Variants in TLN1 observed in about 807,000 individuals in gnomAD.
TLN1 encodes talin 1, also known as talin-1.
In TLN1, 56 loss-of-function variants were observed where a neutral mutation model predicts 292.3. The ratio of observed to expected loss-of-function variants is 0.19; its 90% CI spans 0.15 to 0.24. The LOEUF (loss-of-function observed/expected upper bound fraction) is 0.24, where lower values mean the gene tolerates loss of function less well. Among genes scored for constraint, TLN1 ranks in the 10% least tolerant of loss-of-function variants. TLN1 has a pLI of 1.00. For synonymous variants in TLN1, 1,119 were observed against 1,253.7 expected (o/e 0.89, Z 2.27); for missense variants, 2,433 against 3,248.2 (o/e 0.75, Z 6.10).
In TLN1 at chr9:35,717,086, T is replaced by C. The variant is rs1825798150; in HGVS notation, c.2458+60A>G. ...TGGTTAGGTCCGCAAGGGGATGATG[T>C]CCAGTGGGCTTAGGGAACCCTGGTA... On this transcript the variant is annotated intron_variant, in intron 19 of 56. Transcript: ENST00000314888. This position sits in a 1 kb window ranked among gnomAD's most constrained non-coding sequence, Gnocchi z 4.7. The C allele has an allele frequency of 1.3e-6, 2 of 1,535,048 alleles. No individual in the cohort carries two copies. Among genetic ancestry groups the C allele is most frequent in the Non-Finnish European group, 1.8e-6 (2 of 1,137,724 alleles).
chr9:35,700,525 TGGGGA>T (rs777686131), intron 48 of TLN1, 149 bp from the exon 49 acceptor site: 18 of 854,028 alleles, frequency 2.1e-5, no homozygotes, highest in Non-Finnish European at 2.9e-5. Flanking sequence ...CTGAAGCAAC[TGGGGA>T]GTTTGTTTGT....
At chr9:35,703,422 C>CA (rs926387056) in intron 48 of TLN1, 138 bp downstream of exon 48, 285 of 791,604 alleles carry the variant, frequency 3.6e-4, no homozygotes, top group African/African-American at 4.8e-4. Context: ...AGACCCTTCT[C>CA]AAAAAAAAAG....
In TLN1 at chr9:35,723,964, G is replaced by T; in HGVS notation, c.770C>A (p.Ala257Asp). Residue 257 changes from alanine (A) to aspartate (D), a missense_variant, in exon 7 of 57, where the codon GCT (alanine) becomes GAT (aspartate). Ala to Asp is a moderately radical substitution (Grantham distance 126, BLOSUM62 -2). Transcript: ENST00000314888. ...FGPHNEQKHKAGFLDLKDFLP... is the reference protein window; with the variant it reads ...FGPHNEQKHKDGFLDLKDFLP... ...GTGGGTCACTCACTCAAGGAAGCCA[G>T]CCTTGTGCTTCTGCTCATTGTGGGG... 1 of 1,614,142 alleles carries T rather than the reference G, an allele frequency of 6.2e-7. No individual in the cohort carries two copies. Among genetic ancestry groups the T allele is most frequent in the South Asian group, 1.1e-5 (1 of 91,084 alleles).
Position 35,706,375 on chromosome 9 carries a change from A to T in TLN1, c.5191-9T>A. ...TGCGCCATCTGGGACACCTGAGGCA[A>T]GGGGTTGGACTAGGGGTCAGGTCCC... On this transcript the variant is annotated splice_polypyrimidine_tract_variant and intron_variant, in intron 39 of 56. Transcript: ENST00000314888. The surrounding 1 kb of genome is among the most constrained non-coding windows in gnomAD (Gnocchi z 4.2). The T allele has an allele frequency of 1.2e-6, 2 of 1,610,288 alleles. No homozygotes were observed. Among genetic ancestry groups the T allele is most frequent in the Non-Finnish European group, 1.7e-6 (2 of 1,177,846 alleles).
chr9:35,718,769 T>C (rs1825829367), intron 17 of TLN1, 43 bp downstream of exon 17: 2 of 1,557,968 alleles, frequency 1.3e-6, no homozygotes, highest in Non-Finnish European at 1.8e-6. Flanking sequence ...CAGAAGTTAC[T>C]TCCTAGATTC....
In TLN1 at chr9:35,697,311, G is replaced by A. The variant is rs1433517418; in HGVS notation, c.*480C>T. ...CTCCTACTGCCCTGGGAGAAAACTT[G>A]TATCTCCCTTGAAGCCAGGCAGAGG... is the stretch of plus-strand genomic sequence containing the variant. On this transcript the variant is annotated 3_prime_UTR_variant, in exon 57 of 57. Coordinates refer to ENST00000314888, the MANE Select transcript of TLN1 (RefSeq NM_006289.4). 2 of 155,188 alleles carry A rather than the reference G, an allele frequency of 1.3e-5. No individual in the cohort carries two copies. Among genetic ancestry groups the A allele is most frequent in the Non-Finnish European group, 2.9e-5 (2 of 70,054 alleles). The allele number at this position is 155,188 out of a possible 1,614,324, so 9.6% of individuals were successfully genotyped here.
rs778074771 is a variant in TLN1, at chr9:35,705,779, T to C, written c.5584A>G (p.Lys1862Glu). ...TCCTGAACGGTCACTGCAATGGCCTTGGCTGTCCGCACCATAGTTGTTTGG... is the reference window on the plus strand; with the variant it reads ...TCCTGAACGGTCACTGCAATGGCCTCGGCTGTCCGCACCATAGTTGTTTGG... ...DYQTTMVRTA[K>E]AIAVTVQEMV... Residue 1862 changes from lysine to glutamate, a missense_variant, in exon 42 of 57, where the codon AAG becomes GAG. Around this residue, in one of 7 missense-constraint regions of TLN1, gnomAD observed 1,384 missense variants for 1,699.6 expected, o/e 0.81. Transcript: ENST00000314888. The C allele has an allele frequency of 1.9e-6, 3 of 1,614,124 alleles. No homozygotes were observed. The highest frequency in any genetic ancestry group is 2.5e-6 in the Non-Finnish European group (3 of 1,180,050).
intron 1 of TLN1, among the ~76,000 whole-genome samples, chr9:35,728,142 G>C (rs952063970): frequency 6.6e-6 from 1 of 152,162 alleles, no homozygotes; most frequent in Non-Finnish European, 1.5e-5. Context: ...GGCAATTGGA[G>C]GGGGGGAATG....
chr9:35,711,153 C>A, intron 30 of TLN1, 71 bp from the exon 31 acceptor site: 1 of 1,610,292 alleles, frequency 6.2e-7, no homozygotes, highest in Non-Finnish European at 8.5e-7. Context: ...AAGTATTTAT[C>A]TTTTGCCTAT....
At position 35,714,595 on chromosome 9, in the gene TLN1, A is replaced by G; in HGVS notation, c.2964T>C (p.Ala988=). 6.2e-7 allele frequency: 1 copy of G among 1,611,936 alleles called. No homozygotes were observed. Among genetic ancestry groups the G allele is most frequent in the Non-Finnish European group, 8.5e-7 (1 of 1,180,006 alleles). Residue 988 remains alanine (A), a synonymous_variant, in exon 23 of 57, where the codon GCT becomes GCC. Coordinates refer to ENST00000314888, the MANE Select transcript of TLN1 (RefSeq NM_006289.4). The surrounding 1 kb of genome is among the most constrained non-coding windows in gnomAD (Gnocchi z 4.6). ...DSPSAQLALI[A]ASQSFLQPGG... ...TTGCCTGCAGGAAGCTCTGGCTGGC[A>G]GCAATGAGGGCAAGCTGAGCGCTGG... is the stretch of plus-strand genomic sequence containing the variant.
chr9:35,720,972 G>A (rs1204643656), intron 10 of TLN1, 59 bp from the exon 11 acceptor site: 1 of 1,396,040 alleles, frequency 7.2e-7, no homozygotes, highest in Non-Finnish European at 1.0e-6. Context: ...GATGGAAATG[G>A]CTAGGATGGG....
At chr9:35,723,735 TG>T in intron 7 of TLN1, 1 of 593,020 alleles carries the variant, frequency 1.7e-6, no homozygotes, top group Non-Finnish European at 2.8e-6. Context: ...GCTTCAGAGA[TG>T]GGGGTAGGGG....
Position 35,719,294 on chromosome 9 carries a change from A to G in TLN1, c.1688-12T>C. ...CTCAGCAGGGTCCCCTAAGGGGAAA[A>G]GGAGAAAGAGGAACATGAGAGACAG... is the stretch of plus-strand genomic sequence containing the variant. On this transcript the variant is annotated splice_polypyrimidine_tract_variant and intron_variant, in intron 15 of 56. Coordinates refer to ENST00000314888, the MANE Select transcript of TLN1 (RefSeq NM_006289.4). The surrounding 1 kb of genome is among the most constrained non-coding windows in gnomAD (Gnocchi z 4.6). The G allele has an allele frequency of 6.2e-7, 1 of 1,607,818 alleles. No homozygotes were observed. Among genetic ancestry groups the G allele is most frequent in the Non-Finnish European group, 8.5e-7 (1 of 1,175,742 alleles).
At chr9:35,715,693 G>C (rs1825764884) in intron 20 of TLN1, among the ~76,000 whole-genome samples, 1 of 152,206 alleles carries the variant, frequency 6.6e-6, no homozygotes, top group African/African-American at 2.4e-5. Context: ...GGGGAGACCA[G>C]GAAGGAAAGG....
In TLN1 at chr9:35,707,959, A is replaced by G; in HGVS notation, c.4471-67T>C. The G allele has an allele frequency of 6.4e-7, 1 of 1,571,214 alleles. No individual in the cohort carries two copies. The highest frequency in any genetic ancestry group is 8.7e-7 in the Non-Finnish European group (1 of 1,149,938). ...AGGTGTACATACCCAAGGAGGAGCC[A>G]TTTTAGGGTCAGGGGATGGAGAGCA... On this transcript the variant is annotated intron_variant, in intron 34 of 56. Coordinates refer to ENST00000314888, the MANE Select transcript of TLN1 (RefSeq NM_006289.4). This position sits in a 1 kb window ranked among gnomAD's most constrained non-coding sequence, Gnocchi z 5.6.
chr9:35,698,657 G>A lies in TLN1; in HGVS notation c.7148C>T (p.Ala2383Val), dbSNP rs777783366. The A allele has an allele frequency of 1.2e-6, 2 of 1,614,154 alleles. No homozygotes were observed. The highest frequency in any genetic ancestry group is 1.1e-5 in the South Asian group (1 of 91,080). Residue 2383 changes from alanine to valine, a missense_variant, in exon 54 of 57, where the codon GCA (alanine) becomes GTA (valine). Around this residue, in one of 7 missense-constraint regions of TLN1, gnomAD observed 141 missense variants for 248.5 expected, o/e 0.57. Coordinates refer to ENST00000314888, the MANE Select transcript of TLN1 (RefSeq NM_006289.4). This position sits in a 1 kb window ranked among gnomAD's most constrained non-coding sequence, Gnocchi z 5.3. ...QGKVGAIPAN[A>V]LDDGQWSQGL... ...CTGGGACCACTGCCCATCGTCCAGT[G>A]CATTGGCTGGAATGGCACCCACCTG...
chr9:35,716,574 A>G lies in TLN1; in HGVS notation c.2459-18T>C, dbSNP rs746516245. Reference sequence around the variant, plus strand: ...CATCTCCCCTGAGAGCATAGGGCACAGTCAGGCGAGGAAGCCAGAGACACT... The same window carrying G: ...CATCTCCCCTGAGAGCATAGGGCACGGTCAGGCGAGGAAGCCAGAGACACT... On this transcript the variant is annotated intron_variant, in intron 19 of 56. Coordinates refer to ENST00000314888, the MANE Select transcript of TLN1 (RefSeq NM_006289.4). 3 of 1,611,120 alleles carry G rather than the reference A, an allele frequency of 1.9e-6. No individual in the cohort carries two copies. The highest frequency in any genetic ancestry group is 2.5e-6 in the Non-Finnish European group (3 of 1,178,216).
At chr9:35,711,430 C>G in intron 29 of TLN1, 36 bp from the exon 30 acceptor site, 1 of 1,613,262 alleles carries the variant, frequency 6.2e-7, no homozygotes. Flanking sequence ...ATTGTCCTGT[C>G]CTTTCTTATC....
At position 35,732,155 on chromosome 9, in the gene TLN1, C is replaced by T. The variant is rs1007436701; in HGVS notation, c.-114G>A. The T allele has an allele frequency of 6.5e-6, 1 of 153,576 alleles. No individual in the cohort carries two copies. The highest frequency in any genetic ancestry group is 1.5e-5 in the Non-Finnish European group (1 of 68,616). 9.5% of individuals were successfully genotyped at this position (153,576 alleles called of 1,614,324 possible). On this transcript the variant is annotated 5_prime_UTR_variant, in exon 1 of 57. Transcript: ENST00000314888. The surrounding 1 kb of genome is among the most constrained non-coding windows in gnomAD (Gnocchi z 5.1). ...GGTCGCCCTCGGGCTCCGGCCTCGC[C>T]CTCCCTTCGACACTCTCTCGGCCAC...
Sources: gnomAD v4.1 joint callset for allele counts (sites outside exome capture counted in the v4.1 genomes callset) on GRCh38, gnomAD v4.1.1 for gene constraint, gnomAD v4.1.1 regional missense constraint, Gnocchi (gnomAD v3.1) non-coding constraint, MANE v1.5 for transcripts, NCBI Gene and HGNC (gene_info 2026-07-23, HGNC 2026-07-21) for gene names.